The following OPCML variants were observed in gnomAD, a reference collection of about 807,000 sequenced individuals.
OPCML encodes opioid-binding protein/cell adhesion molecule.
In OPCML, 13 loss-of-function variants were observed where a neutral mutation model predicts 37.8. The observed-to-expected ratio is 0.34, with a 90% CI of 0.22 to 0.55. The LOEUF (loss-of-function observed/expected upper bound fraction) is 0.55, where lower values mean the gene tolerates loss of function less well. Among genes scored for constraint, OPCML ranks in the 20% least tolerant of loss-of-function variants. The probability of loss-of-function intolerance (pLI) is 0.91; values close to 1 mark genes in which losing one functional copy is unlikely to be tolerated. For synonymous variants in OPCML, 176 were observed against 168.8 expected, an observed-to-expected ratio of 1.04 and a Z score of -0.33; for missense variants, 341 against 435.6, an observed-to-expected ratio of 0.78 and a Z score of 1.93.
intron 1 of OPCML, among the ~76,000 whole-genome samples, chr11:133,249,998 C>A (rs978134580): frequency 1.3e-5 from 2 of 152,192 alleles, no homozygotes; most frequent in Non-Finnish European, 1.5e-5. Context: ...TAACAACCCC[C>A]AGAAACTCAA....
chr11:132,526,442 T>G (rs1372625934), intron 4 of OPCML, among the ~76,000 whole-genome samples: 1 of 152,176 alleles, frequency 6.6e-6, no homozygotes, highest in Non-Finnish European at 1.5e-5. Context: ...TTACATATAC[T>G]TTAATACTCT....
intron 1 of OPCML, chr11:133,068,123 G>C (rs990508932): frequency 2.0e-5 from 3 of 152,126 alleles, no homozygotes; most frequent in Admixed American, 2.0e-4. Flanking sequence ...TTTTAAAGCA[G>C]CAAAGATTGA....
At chr11:132,712,573 G>T (rs564966302) in intron 2 of OPCML, among the ~76,000 whole-genome samples, 3 of 152,316 alleles carry the variant, frequency 2.0e-5, no homozygotes, top group Admixed American at 2.0e-4. Flanking sequence ...CAAGAACATG[G>T]GATTAAGAAG....
chr11:133,073,851 C>A (rs1261917514), intron 1 of OPCML, among the ~76,000 whole-genome samples: 2 of 152,110 alleles, frequency 1.3e-5, no homozygotes, highest in African/African-American at 4.8e-5. Context: ...CTCACAAGAC[C>A]CCTTAAAAGA....
At chr11:133,141,998 T>C (rs1232094008) in intron 1 of OPCML, among the ~76,000 whole-genome samples, 1 of 152,252 alleles carries the variant, frequency 6.6e-6, no homozygotes, top group Non-Finnish European at 1.5e-5. Flanking sequence ...TTTGCTGGGT[T>C]AGAGCCCAAG....
At chr11:133,207,713 A>G (rs1470528009) in intron 1 of OPCML, among the ~76,000 whole-genome samples, 2 of 152,134 alleles carry the variant, frequency 1.3e-5, no homozygotes, top group Non-Finnish European at 2.9e-5. Context: ...TACTATCCAG[A>G]CTCAGATGGC....
At chr11:132,710,644 G>C (rs544347042) in intron 2 of OPCML, among the ~76,000 whole-genome samples, 1 of 151,426 alleles carries the variant, frequency 6.6e-6, no homozygotes, top group East Asian at 1.9e-4. Flanking sequence ...TTTGAGGCCA[G>C]GACTTTGAGA....
At chr11:132,700,120 A>G (rs550029212) in intron 2 of OPCML, among the ~76,000 whole-genome samples, 3 of 152,028 alleles carry the variant, frequency 2.0e-5, no homozygotes, top group African/African-American at 7.2e-5. Context: ...GTAGTCTCTT[A>G]TGATCTTTTG....
At chr11:132,791,730 C>T (rs1937924158) in intron 2 of OPCML, among the ~76,000 whole-genome samples, 1 of 152,182 alleles carries the variant, frequency 6.6e-6, no homozygotes, top group Non-Finnish European at 1.5e-5. Flanking sequence ...AAAACCTGTG[C>T]AGGAGACTCT....
intron 1 of OPCML, among the ~76,000 whole-genome samples, chr11:133,370,030 A>G (rs186785750): frequency 8.9e-4 from 136 of 152,330 alleles, no homozygotes; most frequent in African/African-American, 3.0e-3. Flanking sequence ...ACAATATTAT[A>G]AATGATTTTG....
At chr11:133,424,566 C>T (rs1280864334) in intron 1 of OPCML, among the ~76,000 whole-genome samples, 1 of 152,150 alleles carries the variant, frequency 6.6e-6, no homozygotes, top group East Asian at 1.9e-4. Flanking sequence ...CCTAGTTACA[C>T]ACAGTGTCCC....
At chr11:132,760,268 T>C (rs1035485737) in intron 2 of OPCML, among the ~76,000 whole-genome samples, 2 of 152,222 alleles carry the variant, frequency 1.3e-5, no homozygotes, top group African/African-American at 4.8e-5. Context: ...GAAGAATGTA[T>C]ATTCTGTTGA....
At chr11:133,445,706 C>T (rs902133757) in intron 1 of OPCML, among the ~76,000 whole-genome samples, 2 of 152,100 alleles carry the variant, frequency 1.3e-5, no homozygotes, top group African/African-American at 4.8e-5. Context: ...TGTAATTTCC[C>T]CCTTGGCTAA....
intron 4 of OPCML, among the ~76,000 whole-genome samples, chr11:132,505,829 C>T (rs974979378): frequency 6.6e-6 from 1 of 151,910 alleles, no homozygotes; most frequent in African/African-American, 2.4e-5. Flanking sequence ...AACTAAGTTT[C>T]CTTAGAACGA....
At chr11:132,445,249 GA>G (rs2136805030) in intron 4 of OPCML, among the ~76,000 whole-genome samples, 2 of 152,344 alleles carry the variant, frequency 1.3e-5, no homozygotes, top group South Asian at 4.2e-4. Context: ...GGGCTCAGAG[GA>G]ATTCCCTGGC....
At chr11:133,435,931 A>G (rs1172897121) in intron 1 of OPCML, among the ~76,000 whole-genome samples, 1 of 152,248 alleles carries the variant, frequency 6.6e-6, no homozygotes, top group East Asian at 1.9e-4. Flanking sequence ...ATTTGAAAAC[A>G]AAGAACTGAG....
intron 2 of OPCML, among the ~76,000 whole-genome samples, chr11:132,792,427 G>GA (rs1303672680): frequency 6.6e-6 from 1 of 152,088 alleles, no homozygotes; most frequent in South Asian, 2.1e-4. Context: ...TGAATTCTGA[G>GA]AAAAAAAGTG....
intron 2 of OPCML, among the ~76,000 whole-genome samples, chr11:132,850,703 A>G (rs2136327901): frequency 6.6e-6 from 1 of 152,338 alleles, no homozygotes; most frequent in Non-Finnish European, 1.5e-5. Context: ...TAAGCTTATT[A>G]TAGCTTTCCC....
intron 3 of OPCML, among the ~76,000 whole-genome samples, chr11:132,542,471 C>T (rs1314134959): frequency 6.6e-6 from 1 of 152,196 alleles, no homozygotes; most frequent in East Asian, 1.9e-4. Flanking sequence ...AGCACCCAGT[C>T]TCTATCCAGG....
Sources: allele counts gnomAD v4.1 joint callset (sites outside exome capture counted in the v4.1 genomes callset), GRCh38; gene constraint gnomAD v4.1.1; transcripts MANE v1.5; gene names NCBI Gene and HGNC (gene_info 2026-07-23, HGNC 2026-07-21).